MGST1: variants seen among roughly 807,000 people sequenced by gnomAD.
MGST1 encodes the protein microsomal glutathione S-transferase 1.
A neutral mutation model predicts 8.9 loss-of-function variants in MGST1; 5 were observed. The ratio of observed to expected loss-of-function variants is 0.56; its 90% CI spans 0.29 to 1.19. MGST1 has a LOEUF of 1.19. Ranked by LOEUF, MGST1 falls within the 50% of genes most tolerant of loss-of-function variation. MGST1 has a pLI of 0.08. For synonymous variants in MGST1, 54 were observed against 67.8 expected, an observed-to-expected ratio of 0.80 and a Z score of 1.00; for missense variants, 182 against 187.4, an observed-to-expected ratio of 0.97 and a Z score of 0.17.
chr12:16,469,338 A>T (rs561924043), intron 4 of MGST1, among the ~76,000 whole-genome samples: 3 of 152,202 alleles, frequency 2.0e-5, no homozygotes, highest in African/African-American at 7.2e-5. Context: ...GGCATGTGCC[A>T]CCATGTCCAG....
chr12:16,507,456 T>C (rs1941545537), intron 4 of MGST1, among the ~76,000 whole-genome samples: 1 of 152,104 alleles, frequency 6.6e-6, no homozygotes. Flanking sequence ...TTGGATGTGG[T>C]TGCACTGACT....
chr12:16,562,548 T>C (rs994034965), intron 4 of MGST1, among the ~76,000 whole-genome samples: 6 of 152,216 alleles, frequency 3.9e-5, no homozygotes, highest in African/African-American at 1.4e-4. Flanking sequence ...ACACAAACCA[T>C]TGATCATCAG....
At chr12:16,357,750 A>C (rs762275483) in intron 3 of MGST1, 51 bp downstream of exon 3, 33 of 1,508,550 alleles carry the variant, frequency 2.2e-5, no homozygotes, top group Admixed American at 5.2e-5. Flanking sequence ...ATTTTGGTCA[A>C]GGAGTTCAGT....
At chr12:16,444,168 C>A (rs1345414) in intron 4 of MGST1, among the ~76,000 whole-genome samples, 1 of 141,302 alleles carries the variant, frequency 7.1e-6, no homozygotes, top group Non-Finnish European at 1.5e-5. Flanking sequence ...GCTGACAGGT[C>A]TATTGGCTGA....
intron 4 of MGST1, among the ~76,000 whole-genome samples, chr12:16,516,956 G>T (rs1046485750): frequency 6.6e-6 from 1 of 152,100 alleles, no homozygotes; most frequent in Non-Finnish European, 1.5e-5. Flanking sequence ...TGATAGTCAG[G>T]AATGTCAACA....
intron 4 of MGST1, among the ~76,000 whole-genome samples, chr12:16,545,609 C>T (rs774126093): frequency 9.9e-5 from 15 of 151,986 alleles, no homozygotes; most frequent in Non-Finnish European, 1.5e-4. Context: ...TGCTGAAACT[C>T]GCAACTTTTT....
intron 4 of MGST1, among the ~76,000 whole-genome samples, chr12:16,536,782 C>T (rs987503484): frequency 1.3e-5 from 2 of 152,194 alleles, no homozygotes; most frequent in Admixed American, 6.5e-5. Context: ...TACCCTGGAA[C>T]AGTATGGGGG....
At chr12:16,529,770 T>C (rs1223369548) in intron 4 of MGST1, among the ~76,000 whole-genome samples, 1 of 152,132 alleles carries the variant, frequency 6.6e-6, no homozygotes, top group Non-Finnish European at 1.5e-5. Context: ...TTGGCATTTA[T>C]GCTTATGGAA....
In MGST1 at chr12:16,400,244, T is replaced by A; in HGVS notation, n.778+16640T>A. 3 of 847,552 alleles carry A rather than the reference T, an allele frequency of 3.5e-6. No homozygotes were observed. In the South Asian group the frequency reaches 4.1e-5, roughly 12 times the overall value. The allele number at this position is 847,552 out of a possible 1,614,324, so 52.5% of individuals were successfully genotyped here. ...TCCATGTGCCACTTCTTCCCAAACA[T>A]GATGGCATTCTTGAGGTGAAAATGC... On this transcript the variant is annotated intron_variant and non_coding_transcript_variant, in intron 1 of 1. Transcript: ENST00000359720.
At chr12:16,516,178 T>C (rs75647421) in intron 4 of MGST1, among the ~76,000 whole-genome samples, 65 of 152,336 alleles carry the variant, frequency 4.3e-4, no homozygotes, top group Admixed American at 2.4e-3. Context: ...GCCACCTCTT[T>C]AGCATGAGCT....
chr12:16,539,178 G>A (rs1200526198), intron 4 of MGST1, among the ~76,000 whole-genome samples: 2 of 152,022 alleles, frequency 1.3e-5, no homozygotes, highest in African/African-American at 4.8e-5. Context: ...GTGGGTTAGG[G>A]TAACATATAA....
intron 4 of MGST1, among the ~76,000 whole-genome samples, chr12:16,564,796 GTTATT>G (rs1942533559): frequency 1.3e-5 from 2 of 152,118 alleles, no homozygotes; most frequent in African/African-American, 4.8e-5. Flanking sequence ...AAATTTAGAA[GTTATT>G]TTATTTTAGA....
chr12:16,358,177 A>C (rs1223077016), intron 3 of MGST1, among the ~76,000 whole-genome samples: 1 of 152,132 alleles, frequency 6.6e-6, no homozygotes, highest in Non-Finnish European at 1.5e-5. Context: ...ATGTACTGGG[A>C]ATTCAATGAG....
Position 16,401,602 on chromosome 12 carries a change from C to A in MGST1, n.778+17998C>A. ...TAAGACTCGAAGCGAATACCCATGG[C>A]ACAAGTGATAGCCCCAAAATACATG... On this transcript the variant is annotated intron_variant and non_coding_transcript_variant, in intron 1 of 1. Transcript: ENST00000359720. This position sits in a 1 kb window ranked among gnomAD's most constrained non-coding sequence, Gnocchi z 4.3. The A allele has an allele frequency of 6.7e-7, 1 of 1,497,886 alleles. No homozygotes were observed. The highest frequency in any genetic ancestry group is 1.7e-4 in the Middle Eastern group (1 of 5,846). 92.8% of individuals were successfully genotyped at this position (1,497,886 alleles called of 1,614,324 possible). A position where few individuals can be genotyped will look rare whatever the true frequency, so the allele number is the denominator to read the frequency against.
At chr12:16,522,889 C>T (rs575942141) in intron 4 of MGST1, among the ~76,000 whole-genome samples, 1 of 152,030 alleles carries the variant, frequency 6.6e-6, no homozygotes, top group Admixed American at 6.5e-5. Context: ...AGCTGTATCT[C>T]AAGACAGTGC....
intron 1 of MGST1, among the ~76,000 whole-genome samples, chr12:16,424,177 A>G (rs550208379): frequency 6.6e-6 from 1 of 152,348 alleles, no homozygotes; most frequent in African/African-American, 2.4e-5. Flanking sequence ...ATTAAATTTA[A>G]TCAATCATCA....
intron 1 of MGST1, among the ~76,000 whole-genome samples, chr12:16,408,363 C>T (rs1467528805): frequency 4.6e-5 from 7 of 152,050 alleles, no homozygotes; most frequent in South Asian, 2.1e-4. Flanking sequence ...ACATGTACCC[C>T]GATCCTAAAA....
intron 1 of MGST1, among the ~76,000 whole-genome samples, chr12:16,416,378 C>T (rs1940788348): frequency 6.6e-6 from 1 of 152,124 alleles, no homozygotes; most frequent in Non-Finnish European, 1.5e-5. Context: ...GTAGTGCTAA[C>T]ACTGAGGATT....
intron 4 of MGST1, among the ~76,000 whole-genome samples, chr12:16,494,164 T>A (rs1941456126): frequency 6.6e-6 from 1 of 152,136 alleles, no homozygotes; most frequent in African/African-American, 2.4e-5. Context: ...TGAGAAGTAT[T>A]GCATCCTTGA....
Sources: gnomAD v4.1 joint callset for allele counts (sites outside exome capture counted in the v4.1 genomes callset) on GRCh38, gnomAD v4.1.1 for gene constraint, Gnocchi (gnomAD v3.1) non-coding constraint, MANE v1.5 for transcripts, NCBI Gene and HGNC (gene_info 2026-07-23, HGNC 2026-07-21) for gene names.